XYLT1: variants seen among roughly 807,000 people sequenced by gnomAD.
XYLT1 encodes the protein beta-D-xylosyltransferase 1.
A neutral mutation model predicts 91.3 loss-of-function variants in XYLT1; 36 were observed. The ratio of observed to expected loss-of-function variants is 0.39; its 90% confidence interval spans 0.30 to 0.52. XYLT1 has a LOEUF of 0.52. Ranked by LOEUF, XYLT1 falls within the 20% of genes least tolerant of loss-of-function variation. The probability of loss-of-function intolerance (pLI) is 0.68; values close to 1 mark genes in which losing one functional copy is unlikely to be tolerated. For missense variants in XYLT1, 1,242 were observed against 1,284.5 expected (o/e 0.97, Z 0.51); for synonymous variants, 588 against 532.0 (o/e 1.11, Z -1.45).
At chr16:17,226,416 G>A (rs1384946605) in intron 3 of XYLT1, among the ~76,000 whole-genome samples, 3 of 152,214 alleles carry the variant, frequency 2.0e-5, no homozygotes, top group Admixed American at 2.0e-4. Flanking sequence ...GCTGTCCTGT[G>A]CATTGTGCAG....
At chr16:17,236,904 C>T (rs2141728873) in intron 3 of XYLT1, among the ~76,000 whole-genome samples, 1 of 152,296 alleles carries the variant, frequency 6.6e-6, no homozygotes, top group African/African-American at 2.4e-5. Context: ...ACCCTATTTC[C>T]AAATAAGGCC....
rs151118959 is a variant in XYLT1, at chr16:17,141,310, C to T, written c.1430G>A (p.Arg477His). ...CTCTGGGATCCGCCGATCTCCCAGG[C>T]GCCACATGTGAGCGTCGCACTCCAG... ...LFLECDAHMW[R>H]LGDRRIPEGI... The change falls in exon 7 of 12, where the codon CGC becomes CAC. Residue 477 changes from arginine to histidine, a missense_variant. Physicochemically the swap from Arg to His is conservative, Grantham distance 29 (BLOSUM62 0). Coordinates refer to ENST00000261381, the MANE Select transcript of XYLT1 (RefSeq NM_022166.4). 9.3e-6 allele frequency: 15 copies of T among 1,614,070 alleles called. No homozygotes were observed. The highest frequency in any genetic ancestry group is 3.3e-5 in the Admixed American group (2 of 60,004).
intron 1 of XYLT1, among the ~76,000 whole-genome samples, chr16:17,392,249 G>A (rs191015892): frequency 6.6e-5 from 10 of 152,234 alleles, no homozygotes; most frequent in Middle Eastern, 3.4e-3. Flanking sequence ...CTCCAGCACC[G>A]ATGGCCAAAG....
In XYLT1 at chr16:17,108,692, G is replaced by A; in HGVS notation, c.*3C>T. ...TGCTGTGGCCCACTCCTCGTGCCCA[G>A]TGCTACCTGAGCCGGCCATCAGGTT... On this transcript the variant is annotated 3_prime_UTR_variant, in exon 12 of 12. Transcript: ENST00000261381. The A allele has an allele frequency of 6.4e-7, 1 of 1,566,826 alleles. No individual in the cohort carries two copies. The highest frequency in any genetic ancestry group is 8.6e-7 in the Non-Finnish European group (1 of 1,157,832).
At chr16:17,241,332 C>T (rs567044499) in intron 3 of XYLT1, among the ~76,000 whole-genome samples, 17 of 152,304 alleles carry the variant, frequency 1.1e-4, no homozygotes, top group South Asian at 8.3e-4. Context: ...AAAGCAATGG[C>T]AACAGCACCT....
At chr16:17,110,779 T>C (rs1966839339) in intron 11 of XYLT1, among the ~76,000 whole-genome samples, 2 of 152,188 alleles carry the variant, frequency 1.3e-5, no homozygotes, top group African/African-American at 4.8e-5. Context: ...CAGGACCGAC[T>C]GACTCCAAAG....
chr16:17,389,404 C>T (rs2035787340), intron 1 of XYLT1, among the ~76,000 whole-genome samples: 1 of 152,224 alleles, frequency 6.6e-6, no homozygotes, highest in Admixed American at 6.5e-5. Flanking sequence ...CGCCACCACA[C>T]CTCGCTACTA....
At chr16:17,111,092 G>A (rs1028297633) in intron 11 of XYLT1, among the ~76,000 whole-genome samples, 1 of 150,574 alleles carries the variant, frequency 6.6e-6, no homozygotes, top group Non-Finnish European at 1.5e-5. Flanking sequence ...CCTGGGAGGC[G>A]GAGGTTTCAT....
chr16:17,223,971 CCTAA>C (rs1479467347), intron 3 of XYLT1, among the ~76,000 whole-genome samples: 1 of 152,148 alleles, frequency 6.6e-6, no homozygotes, highest in African/African-American at 2.4e-5. Flanking sequence ...GCTGATGTTC[CCTAA>C]CTAATATAGT....
At chr16:17,469,870 G>A (rs1247939502) in intron 1 of XYLT1, among the ~76,000 whole-genome samples, 1 of 152,180 alleles carries the variant, frequency 6.6e-6, no homozygotes, top group African/African-American at 2.4e-5. Flanking sequence ...AAGAGAAACA[G>A]AAGACCCAAA....
At chr16:17,136,516 G>C (rs1402831749) in intron 8 of XYLT1, among the ~76,000 whole-genome samples, 1 of 152,134 alleles carries the variant, frequency 6.6e-6, no homozygotes, top group African/African-American at 2.4e-5. Context: ...CAAACTCTCT[G>C]GGCCTCAGCA....
intron 1 of XYLT1, among the ~76,000 whole-genome samples, chr16:17,436,190 G>T (rs541265254): frequency 1.3e-5 from 2 of 152,300 alleles, no homozygotes; most frequent in South Asian, 4.1e-4. Flanking sequence ...AGCCATGTTA[G>T]AACTTCGAGT....
chr16:17,277,392 C>A (rs1013043430), intron 2 of XYLT1, among the ~76,000 whole-genome samples: 1 of 151,748 alleles, frequency 6.6e-6, no homozygotes, highest in Non-Finnish European at 1.5e-5. Context: ...CTGTCACCAC[C>A]TTTTTGCTTT....
At chr16:17,145,079 A>T (rs528315479) in intron 6 of XYLT1, among the ~76,000 whole-genome samples, 1 of 152,210 alleles carries the variant, frequency 6.6e-6, no homozygotes, top group East Asian at 1.9e-4. Context: ...GCCTCTATGG[A>T]TTTACCAATT....
chr16:17,281,021 T>C (rs996921649), intron 2 of XYLT1, among the ~76,000 whole-genome samples: 25 of 152,282 alleles, frequency 1.6e-4, no homozygotes, highest in Admixed American at 5.2e-4. Flanking sequence ...GGGCTGGGCC[T>C]GGGAATCACG....
chr16:17,131,230 G>A (rs1409366425), intron 9 of XYLT1, among the ~76,000 whole-genome samples: 1 of 13,756 alleles, frequency 7.3e-5, no homozygotes, highest in Non-Finnish European at 2.1e-4. Flanking sequence ...CAAGGAGTGA[G>A]CACAAAAGCC....
intron 3 of XYLT1, among the ~76,000 whole-genome samples, chr16:17,256,599 G>A (rs557577954): frequency 2.6e-4 from 38 of 148,148 alleles, no homozygotes; most frequent in African/African-American, 9.2e-4. Context: ...GCAGTGAGCC[G>A]AGATCATGCC....
chr16:17,315,301 T>C (rs1420056489), intron 2 of XYLT1, among the ~76,000 whole-genome samples: 1 of 152,248 alleles, frequency 6.6e-6, no homozygotes, highest in African/African-American at 2.4e-5. Flanking sequence ...GCCTTGTGGA[T>C]GCTCTTTGTC....
chr16:17,108,363 T>A lies in XYLT1; in HGVS notation c.*332A>T, dbSNP rs115541059. The A allele has an allele frequency of 0.02, 5,264 of 256,830 alleles. 162 individuals are homozygous for A. Among genetic ancestry groups the A allele is most frequent in the South Asian group, 0.088 (560 of 6,354 alleles). The allele number at this position is 256,830 out of a possible 1,614,324, so 15.9% of individuals were successfully genotyped here. A position where few individuals can be genotyped will look rare whatever the true frequency, so the allele number is the denominator to read the frequency against. ...TGCTCCGTAAACGAAGTTCTGCTGC[T>A]CGAAAGAAAAGTCTGAAAATCACAC... On this transcript the variant is annotated 3_prime_UTR_variant, in exon 12 of 12. Transcript: ENST00000261381.
Sources: gnomAD v4.1 joint callset for allele counts (sites outside exome capture counted in the v4.1 genomes callset) on GRCh38, gnomAD v4.1.1 for gene constraint, MANE v1.5 for transcripts, NCBI Gene and HGNC (gene_info 2026-07-23, HGNC 2026-07-21) for gene names.